The following LRMDA variants were observed in gnomAD, a reference collection of about 807,000 sequenced individuals.
LRMDA encodes the protein leucine-rich melanocyte differentiation-associated protein.
In LRMDA, 18 loss-of-function variants were observed where a neutral mutation model predicts 29.8. The ratio of observed to expected loss-of-function variants is 0.60; its 90% CI spans 0.42 to 0.90. The LOEUF (loss-of-function observed/expected upper bound fraction) is 0.90, where lower values mean the gene tolerates loss of function less well. Among genes scored for constraint, LRMDA ranks in the 40% least tolerant of loss-of-function variants. LRMDA has a pLI of 0.00. For missense variants in LRMDA, 273 were observed against 273.9 expected, an observed-to-expected ratio of 1.00 and a Z score of 0.02; for synonymous variants, 125 against 109.4, an observed-to-expected ratio of 1.14 and a Z score of -0.89.
chr10:75,827,166 TG>T (rs1844260714), intron 2 of LRMDA, among the ~76,000 whole-genome samples: 1 of 152,188 alleles, frequency 6.6e-6, no homozygotes, highest in African/African-American at 2.4e-5. Context: ...TTTTTGTGCG[TG>T]CTCAGGGGAC....
At chr10:76,334,296 C>T (rs548083367) in intron 6 of LRMDA, among the ~76,000 whole-genome samples, 3 of 152,180 alleles carry the variant, frequency 2.0e-5, no homozygotes, top group Non-Finnish European at 4.4e-5. Flanking sequence ...CTTTTTATTT[C>T]CCTGTCTCTT....
chr10:75,648,981 A>T (rs904580682), intron 2 of LRMDA, among the ~76,000 whole-genome samples: 12 of 152,194 alleles, frequency 7.9e-5, no homozygotes, highest in Admixed American at 2.0e-4. Context: ...GTTTTAAACC[A>T]CTTTAACCAT....
At chr10:76,132,826 A>C (rs1850018455) in intron 5 of LRMDA, among the ~76,000 whole-genome samples, 1 of 151,626 alleles carries the variant, frequency 6.6e-6, no homozygotes, top group African/African-American at 2.4e-5. Context: ...GGGGGGGGTC[A>C]GAGTTTCGCT....
At chr10:76,076,292 G>A (rs1478619449) in intron 5 of LRMDA, among the ~76,000 whole-genome samples, 6 of 136,768 alleles carry the variant, frequency 4.4e-5, no homozygotes, top group East Asian at 4.2e-4. Flanking sequence ...GCAATGAGCC[G>A]AGACCGCCAT....
chr10:75,905,957 A>G (rs1845752399), intron 2 of LRMDA, among the ~76,000 whole-genome samples: 1 of 149,898 alleles, frequency 6.7e-6, no homozygotes. Flanking sequence ...TTTAAAAATG[A>G]TCTCATTATT....
intron 2 of LRMDA, 103 bp from the exon 3 acceptor site, chr10:76,035,905 T>C: frequency 8.4e-7 from 1 of 1,184,500 alleles, no homozygotes; most frequent in Admixed American, 2.7e-5. Flanking sequence ...AAGCCCAAAC[T>C]ATTCCCAGTC....
At chr10:75,533,962 G>C (rs1845508795) in intron 2 of LRMDA, among the ~76,000 whole-genome samples, 1 of 152,202 alleles carries the variant, frequency 6.6e-6, no homozygotes, top group Non-Finnish European at 1.5e-5. Context: ...AACAGTAAAG[G>C]AAATCTATTG....
At chr10:75,551,929 G>C (rs916379605) in intron 2 of LRMDA, among the ~76,000 whole-genome samples, 4 of 152,074 alleles carry the variant, frequency 2.6e-5, no homozygotes, top group Middle Eastern at 3.4e-3. Context: ...TGTAGTTCCA[G>C]CCTCTTGGTA....
rs577989190 is a variant in LRMDA at position 75,618,412 on chromosome 10, C to CTA, written c.131+179928_131+179929dup. On this transcript the variant is annotated intron_variant, in intron 2 of 6. Coordinates refer to ENST00000611255, the MANE Select transcript of LRMDA (RefSeq NM_001305581.2). ...TATATATATATATATATATATCAGA[C>CTA]TATATATATATCAACTATATATGTA... 4.0e-3 allele frequency among the ~76,000 whole-genome samples: 567 copies of CTA among 141,278 alleles called. 2 individuals are homozygous for CTA. The highest frequency in any genetic ancestry group is 0.014 in the African/African-American group (534 of 37,832). 92.7% of individuals were successfully genotyped at this position (141,278 alleles called of 152,430 possible). A position where few individuals can be genotyped will look rare whatever the true frequency, so the allele number is the denominator to read the frequency against.
rs764830167 is a variant in LRMDA at position 75,700,356 on chromosome 10, T to C, written c.131+261862T>C. Among the ~76,000 whole-genome samples, 14 of 151,548 alleles carry C rather than the reference T, an allele frequency of 9.2e-5. No homozygotes were observed. In the South Asian group the frequency reaches 1.2e-3, roughly 13 times the overall value. ...AATGAAAAAAATATAAAGCAGTATA[T>C]ATATTATTTGGTGAGTGCAAAGAAT... is the stretch of plus-strand genomic sequence containing the variant. On this transcript the variant is annotated intron_variant, in intron 2 of 6. Coordinates refer to ENST00000611255, the MANE Select transcript of LRMDA (RefSeq NM_001305581.2).
chr10:75,714,098 C>T (rs972679413), intron 2 of LRMDA, among the ~76,000 whole-genome samples: 5 of 152,118 alleles, frequency 3.3e-5, no homozygotes, highest in African/African-American at 1.2e-4. Flanking sequence ...CCCTAGAAGG[C>T]CCCCAGAATG....
chr10:76,464,647 G>A (rs1026590100), intron 6 of LRMDA, among the ~76,000 whole-genome samples: 7 of 152,192 alleles, frequency 4.6e-5, no homozygotes, highest in Admixed American at 1.3e-4. Flanking sequence ...CAAAAAGCCA[G>A]AAGAATGGGG....
chr10:76,026,992 T>A (rs577334694), intron 2 of LRMDA, among the ~76,000 whole-genome samples: 1 of 152,348 alleles, frequency 6.6e-6, no homozygotes, highest in South Asian at 2.1e-4. Flanking sequence ...CCAGCTTACA[T>A]AATTTTCTAT....
At position 75,944,761 on chromosome 10, in the gene LRMDA, AATAT is replaced by A. The variant is rs780718643; in HGVS notation, c.132-91242_132-91239del. The stretch of plus-strand genomic sequence containing the variant: ...CTATATGTATATATATATAAAATAA[AATAT>A]ATATGTATATTTTATTATAAATATT... On this transcript the variant is annotated intron_variant, in intron 2 of 6. Transcript: ENST00000611255. 1.8e-4 allele frequency among the ~76,000 whole-genome samples: 26 copies of A among 148,436 alleles called. No individual in the cohort carries two copies. The South Asian group carries it at 1.9e-3, about 11-fold the overall frequency.
chr10:76,234,870 C>T (rs945274835), intron 5 of LRMDA, among the ~76,000 whole-genome samples: 2 of 152,200 alleles, frequency 1.3e-5, no homozygotes, highest in Non-Finnish European at 2.9e-5. Context: ...CTATCCATAC[C>T]GCTAAAACTT....
intron 2 of LRMDA, among the ~76,000 whole-genome samples, chr10:75,688,409 G>A (rs374904644): frequency 4.6e-5 from 7 of 152,296 alleles, no homozygotes; most frequent in Middle Eastern, 3.4e-3. Context: ...TTGCAGATGT[G>A]GCAGAAATAG....
chr10:75,787,435 A>G (rs1354648919), intron 2 of LRMDA, among the ~76,000 whole-genome samples: 1 of 152,178 alleles, frequency 6.6e-6, no homozygotes, highest in Non-Finnish European at 1.5e-5. Flanking sequence ...TTATTTGACC[A>G]GAAATCTTTT....
chr10:75,820,541 C>T (rs1342832817), intron 2 of LRMDA, among the ~76,000 whole-genome samples: 2 of 152,112 alleles, frequency 1.3e-5, no homozygotes, highest in Admixed American at 1.3e-4. Flanking sequence ...GATTAAATGC[C>T]TGCATAAAAA....
At chr10:75,555,339 T>C (rs2132057668) in intron 2 of LRMDA, among the ~76,000 whole-genome samples, 1 of 152,302 alleles carries the variant, frequency 6.6e-6, no homozygotes, top group East Asian at 1.9e-4. Context: ...GATAACTTGA[T>C]AGAAAATATG....
Sources: gnomAD v4.1 joint callset for allele counts (sites outside exome capture counted in the v4.1 genomes callset) on GRCh38, gnomAD v4.1.1 for gene constraint, MANE v1.5 for transcripts, NCBI Gene and HGNC (gene_info 2026-07-23, HGNC 2026-07-21) for gene names.